The following SLC8A1 variants were observed in gnomAD, a reference collection of about 807,000 sequenced individuals.
The protein encoded by SLC8A1 is sodium/calcium exchanger 1.
SLC8A1 carries 18 observed loss-of-function variants against 68.3 expected under a neutral mutation model. The observed-to-expected ratio is 0.26, with a 90% confidence interval of 0.18 to 0.39. The LOEUF (loss-of-function observed/expected upper bound fraction) is 0.39. SLC8A1 is among the 10% of genes least tolerant of loss of function. The probability of loss-of-function intolerance (pLI) is 1.00; values close to 1 mark genes in which losing one functional copy is unlikely to be tolerated. For missense variants in SLC8A1, 985 were observed against 1,156.7 expected (o/e 0.85, Z 2.15); for synonymous variants, 475 against 415.5 (o/e 1.14, Z -1.74).
At chr2:40,494,640 AAT>A (rs34595267) in intron 1 of SLC8A1, among the ~76,000 whole-genome samples, 3,673 of 91,104 alleles carry the variant, frequency 0.04, 49 homozygotes, top group Admixed American at 0.059. Flanking sequence ...CTTAAAGTAT[AAT>A]ATATATATAT....
chr2:40,383,421 T>C (rs778427727), intron 2 of SLC8A1, among the ~76,000 whole-genome samples: 1 of 152,074 alleles, frequency 6.6e-6, no homozygotes, highest in African/African-American at 2.4e-5. Flanking sequence ...CCAAAGACAT[T>C]TGGTGACTGT....
At chr2:40,174,746 G>C in intron 4 of SLC8A1, 26 bp from the exon 6 acceptor site, 1 of 1,568,602 alleles carries the variant, frequency 6.4e-7, no homozygotes, top group African/African-American at 1.4e-5. Context: ...ATAAAAATGA[G>C]AAATTTTTTT....
At chr2:40,371,399 C>T (rs1239209243) in intron 2 of SLC8A1, among the ~76,000 whole-genome samples, 11 of 152,054 alleles carry the variant, frequency 7.2e-5, no homozygotes, top group African/African-American at 2.7e-4. Flanking sequence ...CCTGTTGACT[C>T]TCATGGATCT....
chr2:40,186,197 T>TTTGC (rs1370603919), intron 2 of SLC8A1, among the ~76,000 whole-genome samples: 2 of 152,240 alleles, frequency 1.3e-5, no homozygotes, highest in African/African-American at 4.8e-5. Flanking sequence ...ATTATAATCA[T>TTTGC]AAGGAGGCCT....
At chr2:40,389,117 A>G (rs1684503158) in intron 2 of SLC8A1, among the ~76,000 whole-genome samples, 1 of 152,120 alleles carries the variant, frequency 6.6e-6, no homozygotes, top group African/African-American at 2.4e-5. Context: ...GTGTAAATAA[A>G]GTTCACAGGG....
chr2:40,178,156 G>A (rs2148562482), intron 2 of SLC8A1, among the ~76,000 whole-genome samples: 1 of 152,346 alleles, frequency 6.6e-6, no homozygotes, highest in Non-Finnish European at 1.5e-5. Flanking sequence ...AGAAATGGAT[G>A]CTTGATTGAC....
At position 40,214,098 on chromosome 2, in the gene SLC8A1, C is replaced by T. The variant is rs967769925; in HGVS notation, c.1809-36243G>A. 4.6e-5 allele frequency among the ~76,000 whole-genome samples: 7 copies of T among 152,164 alleles called. 1 individual carries two copies. The highest frequency in any genetic ancestry group is 3.3e-4 in the Admixed American group (5 of 15,276). ...ATGAGGGCTAGGAATCTGGCATCTG[C>T]GTCTGCCTCCACATTTGTTTCTCCC... On this transcript the variant is annotated intron_variant, in intron 2 of 7. Transcript: ENST00000406785.
At chr2:40,460,858 C>A (rs1021826971) in intron 1 of SLC8A1, among the ~76,000 whole-genome samples, 4 of 117,012 alleles carry the variant, frequency 3.4e-5, no homozygotes, top group African/African-American at 1.2e-4. Context: ...CAGGCGTGAG[C>A]CACCGCACCT....
intron 2 of SLC8A1, among the ~76,000 whole-genome samples, chr2:40,377,708 T>C (rs1003825071): frequency 3.3e-5 from 5 of 152,008 alleles, no homozygotes; most frequent in Non-Finnish European, 7.4e-5. Context: ...CATCACCGAG[T>C]ATGAGTGGGA....
chr2:40,438,511 T>G (rs1005894711), intron 1 of SLC8A1, among the ~76,000 whole-genome samples: 4 of 152,254 alleles, frequency 2.6e-5, no homozygotes, highest in Middle Eastern at 3.4e-3. Context: ...ATTGCAAATA[T>G]GATTGACACG....
At chr2:40,421,824 A>C (rs1695582425) in intron 2 of SLC8A1, among the ~76,000 whole-genome samples, 2 of 152,238 alleles carry the variant, frequency 1.3e-5, no homozygotes. Flanking sequence ...CAGCTGTATA[A>C]GTCTGTGAAA....
exon 8 of SLC8A1, chr2:40,102,377 C>A (rs1052068486): frequency 3.4e-5 from 5 of 147,136 alleles, no homozygotes; most frequent in African/African-American, 5.0e-5. Flanking sequence ...TTTTTTTTTC[C>A]TAGTCAAATC....
chr2:40,226,078 C>T (rs1189954742), intron 2 of SLC8A1, among the ~76,000 whole-genome samples: 1 of 152,136 alleles, frequency 6.6e-6, no homozygotes, highest in East Asian at 1.9e-4. Flanking sequence ...GGATAACTTA[C>T]ATATTTTACA....
chr2:40,317,647 T>A (rs72796685), intron 2 of SLC8A1, among the ~76,000 whole-genome samples: 5,762 of 152,182 alleles, frequency 0.038, 156 homozygotes, highest in Non-Finnish European at 0.056. Context: ...TGCTTTTTTT[T>A]AAAGATAAAA....
chr2:40,265,209 T>G (rs1393591228), intron 2 of SLC8A1, among the ~76,000 whole-genome samples: 3 of 152,100 alleles, frequency 2.0e-5, no homozygotes, highest in Non-Finnish European at 4.4e-5. Flanking sequence ...AAATAGATCT[T>G]TATTATTTTA....
exon 8 of SLC8A1, chr2:40,112,554 C>T (rs1416467785): frequency 6.6e-6 from 1 of 152,080 alleles, no homozygotes; most frequent in East Asian, 1.9e-4. Context: ...ATTCCTAATA[C>T]AGCTAAAAAA....
At chr2:40,165,391 G>A (rs772348840) in intron 4 of SLC8A1, among the ~76,000 whole-genome samples, 3 of 152,138 alleles carry the variant, frequency 2.0e-5, no homozygotes, top group Non-Finnish European at 4.4e-5. Flanking sequence ...GTGCTAGAGT[G>A]ACCCTCAGAG....
chr2:40,249,164 T>G (rs909154558), intron 2 of SLC8A1, among the ~76,000 whole-genome samples: 2 of 152,158 alleles, frequency 1.3e-5, no homozygotes, highest in East Asian at 3.9e-4. Flanking sequence ...GTCGAAATCT[T>G]AAATAGAACA....
intron 2 of SLC8A1, among the ~76,000 whole-genome samples, chr2:40,242,886 T>A (rs774471933): frequency 3.3e-4 from 50 of 152,238 alleles, no homozygotes; most frequent in Admixed American, 1.6e-3. Context: ...GGTATACTTT[T>A]TGCTGTCTCC....
Sources: gnomAD v4.1 joint callset for allele counts (sites outside exome capture counted in the v4.1 genomes callset) on GRCh38, gnomAD v4.1.1 for gene constraint, MANE v1.5 for transcripts, NCBI Gene and HGNC (gene_info 2026-07-23, HGNC 2026-07-21) for gene names.